The following GALNTL6 variants were observed in gnomAD, a reference collection of about 807,000 sequenced individuals.
GALNTL6 encodes polypeptide N-acetylgalactosaminyltransferase-like 6.
A neutral mutation model predicts 73.7 loss-of-function variants in GALNTL6; 46 were observed. The ratio of observed to expected loss-of-function variants is 0.62; its 90% CI spans 0.49 to 0.80. The LOEUF is 0.80. Among genes scored for constraint, GALNTL6 ranks in the 30% least tolerant of loss-of-function variants. GALNTL6 has a pLI of 0.00. For missense variants in GALNTL6, 604 were observed against 755.0 expected (o/e 0.80, Z 2.34); for synonymous variants, 259 against 263.7 (o/e 0.98, Z 0.17).
chr4:171,935,965 A>G (rs374196797), intron 2 of GALNTL6, among the ~76,000 whole-genome samples: 2 of 152,186 alleles, frequency 1.3e-5, no homozygotes, highest in African/African-American at 4.8e-5. Flanking sequence ...AAGTGAAGCC[A>G]TACTAATAAT....
intron 3 of GALNTL6, among the ~76,000 whole-genome samples, chr4:172,308,088 T>C (rs962619026): frequency 7.1e-6 from 1 of 141,658 alleles, no homozygotes; most frequent in African/African-American, 2.6e-5. Context: ...TTAGTCACCA[T>C]TGGTACATAG....
At chr4:172,821,069 T>C (rs1741896814) in intron 7 of GALNTL6, among the ~76,000 whole-genome samples, 1 of 152,206 alleles carries the variant, frequency 6.6e-6, no homozygotes, top group Non-Finnish European at 1.5e-5. Flanking sequence ...ATGAAACCTA[T>C]GTAGTATGTA....
At chr4:172,723,414 C>T (rs953933560) in intron 5 of GALNTL6, among the ~76,000 whole-genome samples, 2 of 152,132 alleles carry the variant, frequency 1.3e-5, no homozygotes, top group Non-Finnish European at 2.9e-5. Flanking sequence ...TCATGGGTTT[C>T]CATTTCCTCA....
chr4:172,772,843 T>C (rs1195461098), intron 5 of GALNTL6, among the ~76,000 whole-genome samples: 1 of 152,158 alleles, frequency 6.6e-6, no homozygotes, highest in Non-Finnish European at 1.5e-5. Flanking sequence ...TATCATGGAT[T>C]ATCCAAGTAG....
chr4:172,074,690 TTCTTA>T (rs1731650984), intron 2 of GALNTL6, among the ~76,000 whole-genome samples: 1 of 152,154 alleles, frequency 6.6e-6, no homozygotes, highest in Non-Finnish European at 1.5e-5. Flanking sequence ...GTCCCTACCC[TTCTTA>T]TAAAAGTGCA....
intron 5 of GALNTL6, among the ~76,000 whole-genome samples, chr4:172,716,049 C>T (rs1456885509): frequency 6.6e-6 from 1 of 152,120 alleles, no homozygotes. Flanking sequence ...AGCAATTTGG[C>T]AGTTTTGCTC....
intron 2 of GALNTL6, among the ~76,000 whole-genome samples, chr4:172,104,429 C>T (rs1377016179): frequency 6.6e-6 from 1 of 152,084 alleles, no homozygotes; most frequent in Non-Finnish European, 1.5e-5. Context: ...TGAGATAAAT[C>T]AGCGTCTGGA....
At chr4:172,548,419 T>C (rs561014542) in intron 5 of GALNTL6, among the ~76,000 whole-genome samples, 18 of 152,330 alleles carry the variant, frequency 1.2e-4, no homozygotes, top group Admixed American at 3.3e-4. Context: ...AGGACAATTA[T>C]ATTAACATGA....
intron 2 of GALNTL6, among the ~76,000 whole-genome samples, chr4:171,974,845 G>A (rs559899683): frequency 6.6e-6 from 1 of 152,186 alleles, no homozygotes; most frequent in East Asian, 1.9e-4. Flanking sequence ...ATTTTTAGTA[G>A]CAACACAATT....
At chr4:172,610,306 G>T (rs995152102) in intron 5 of GALNTL6, among the ~76,000 whole-genome samples, 4 of 151,898 alleles carry the variant, frequency 2.6e-5, no homozygotes, top group African/African-American at 9.7e-5. Context: ...GTTAAATTGG[G>T]ATCTTTCTAC....
intron 5 of GALNTL6, among the ~76,000 whole-genome samples, chr4:172,411,131 C>CATATGTAAAT (rs1744419135): frequency 6.6e-6 from 1 of 152,002 alleles, no homozygotes. Context: ...AATATGTAAA[C>CATATGTAAAT]ATGAGTGTGT....
chr4:172,328,272 G>A (rs1463861504), intron 4 of GALNTL6, among the ~76,000 whole-genome samples: 1 of 151,898 alleles, frequency 6.6e-6, no homozygotes, highest in Non-Finnish European at 1.5e-5. Context: ...TAACCTGATG[G>A]GGTTCCCTTT....
chr4:172,987,416 A>T (rs949616179), intron 10 of GALNTL6, among the ~76,000 whole-genome samples: 1 of 152,208 alleles, frequency 6.6e-6, no homozygotes, highest in Admixed American at 6.5e-5. Context: ...CACCCCCATG[A>T]TTCAATTACC....
At chr4:172,869,094 T>C (rs968082043) in intron 7 of GALNTL6, among the ~76,000 whole-genome samples, 1 of 152,172 alleles carries the variant, frequency 6.6e-6, no homozygotes, top group Non-Finnish European at 1.5e-5. Context: ...TATTTGAGAA[T>C]ATTCTATGCT....
chr4:172,973,044 T>C (rs1038353135), intron 10 of GALNTL6, among the ~76,000 whole-genome samples: 1 of 152,204 alleles, frequency 6.6e-6, no homozygotes, highest in African/African-American at 2.4e-5. Context: ...AGCTCTGTAG[T>C]TGAGGGATTT....
chr4:172,599,974 A>C (rs1737995050), intron 5 of GALNTL6, among the ~76,000 whole-genome samples: 1 of 152,172 alleles, frequency 6.6e-6, no homozygotes, highest in Non-Finnish European at 1.5e-5. Flanking sequence ...TTTTTTATGA[A>C]AATACTGGGT....
At chr4:171,919,956 A>G (rs1170034950) in intron 2 of GALNTL6, among the ~76,000 whole-genome samples, 3 of 152,208 alleles carry the variant, frequency 2.0e-5, no homozygotes, top group African/African-American at 7.2e-5. Context: ...ACACATGCAC[A>G]CGTACGTTTA....
rs193101522 is a variant in GALNTL6 at position 172,623,221 on chromosome 4, C to T, written c.554-186140C>T. Among the ~76,000 whole-genome samples, 22 of 151,936 alleles carry T rather than the reference C, an allele frequency of 1.4e-4. No individual in the cohort carries two copies. The East Asian group carries it at 1.9e-3, about 13-fold the overall frequency. On this transcript the variant is annotated intron_variant, in intron 5 of 12. Transcript: ENST00000506823. Reference sequence around the variant, plus strand: ...TTACTGAGCTATGAAGATAAATACCCGAAGAATCAACTAAAAAAGTTAAAA... The same window carrying T: ...TTACTGAGCTATGAAGATAAATACCTGAAGAATCAACTAAAAAAGTTAAAA...
intron 10 of GALNTL6, among the ~76,000 whole-genome samples, chr4:172,997,577 T>G (rs537253493): frequency 1.3e-5 from 2 of 152,352 alleles, no homozygotes; most frequent in South Asian, 4.1e-4. Flanking sequence ...AAAATCAACT[T>G]GTTTTTGGCC....
Sources: allele counts gnomAD v4.1 joint callset (sites outside exome capture counted in the v4.1 genomes callset), GRCh38; gene constraint gnomAD v4.1.1; transcripts MANE v1.5; gene names NCBI Gene and HGNC (gene_info 2026-07-23, HGNC 2026-07-21).